SP100: variants seen among roughly 807,000 people sequenced by gnomAD.
SP100 encodes SP100 nuclear body protein.
SP100 carries 84 observed loss-of-function variants against 130.0 expected under a neutral mutation model. That is an observed-to-expected ratio of 0.65 (90% CI 0.54 to 0.77). The LOEUF is 0.77. Among genes scored for constraint, SP100 ranks in the 30% least tolerant of loss-of-function variants. SP100 has a pLI of 0.00. For synonymous variants in SP100, 331 were observed against 351.7 expected (o/e 0.94, Z 0.66); for missense variants, 978 against 1,052.2 (o/e 0.93, Z 0.97).
chr2:230,496,090 T>C (rs1268734813), intron 18 of SP100, among the ~76,000 whole-genome samples: 1 of 152,222 alleles, frequency 6.6e-6, no homozygotes, highest in East Asian at 1.9e-4. Context: ...CAGTTTGTAC[T>C]TACCCAGGTC....
At chr2:230,541,174 A>T (rs927911183) in intron 26 of SP100, 127 bp from the exon 27 acceptor site, 1 of 1,216,872 alleles carries the variant, frequency 8.2e-7, no homozygotes, top group African/African-American at 1.5e-5. Flanking sequence ...GGTCCAAAGA[A>T]ACTCCCCATG....
chr2:230,451,886 TAAAG>T (rs2064005664), intron 8 of SP100, among the ~76,000 whole-genome samples: 1 of 152,226 alleles, frequency 6.6e-6, no homozygotes, highest in Non-Finnish European at 1.5e-5. Context: ...CACCATTTAT[TAAAG>T]AGATAGATAT....
chr2:230,539,291 G>A lies in SP100; in HGVS notation c.2119G>A (p.Val707Met). 2 of 1,613,796 alleles carry A rather than the reference G, an allele frequency of 1.2e-6. No homozygotes were observed. Among genetic ancestry groups the A allele is most frequent in the Non-Finnish European group, 8.5e-7 (1 of 1,179,718 alleles). ...PCPENSNICE[V>M]CNKWGRLFCC... is the part of the protein sequence containing the mutation. ...GCCGGAAAACTCAAATATATGTGAG[G>A]TGTGCAACAAATGGGGACGGCTGTT... The change falls in exon 25 of 29, where the codon GTG becomes ATG. Residue 707 changes from valine (V) to methionine (M), a missense_variant. By Grantham distance (21) the Val-to-Met change is conservative. Coordinates refer to ENST00000340126, the MANE Select transcript of SP100 (RefSeq NM_001080391.2).
rs375469643 is a variant in SP100 at position 230,533,090 on chromosome 2, T to C, written c.2095-6177T>C. Among the ~76,000 whole-genome samples the C allele has an allele frequency of 5.0e-4, 76 of 152,302 alleles. 1 individual carries two copies. In the South Asian group the frequency reaches 0.016, roughly 32 times the overall value. ...GCCACCGTGCCCGGCCCTGATGCTC[T>C]TTTAAAATAGCTAAAAAGAAATTAC... is the stretch of plus-strand genomic sequence containing the variant. On this transcript the variant is annotated intron_variant, in intron 24 of 28. Transcript: ENST00000340126.
At chr2:230,529,711 G>A (rs1691605604) in intron 24 of SP100, among the ~76,000 whole-genome samples, 1 of 152,180 alleles carries the variant, frequency 6.6e-6, no homozygotes, top group Admixed American at 6.5e-5. Flanking sequence ...TCCTTAAGCT[G>A]ATAAGCAAAT....
rs753568525 is a variant in SP100, at chr2:230,416,272, C to A, written c.-25C>A. The A allele has an allele frequency of 6.2e-7, 1 of 1,610,186 alleles. No individual in the cohort carries two copies. The highest frequency in any genetic ancestry group is 1.7e-5 in the Admixed American group (1 of 59,760). ...GGGGCTCAGAGGCCAGGCTCTGAGG[C>A]CCACGCAGGGCCTAGGGTGGGAAGA... is the stretch of plus-strand genomic sequence containing the variant. On this transcript the variant is annotated 5_prime_UTR_variant, in exon 1 of 29. Transcript: ENST00000340126.
At chr2:230,447,179 T>C (rs2063747474) in intron 5 of SP100, among the ~76,000 whole-genome samples, 1 of 152,168 alleles carries the variant, frequency 6.6e-6, no homozygotes, top group Non-Finnish European at 1.5e-5. Context: ...AAGGTCCCTG[T>C]AGGGGATCAG....
chr2:230,503,033 A>G (rs558903345), intron 19 of SP100, 33 bp from the exon 20 acceptor site: 7 of 1,532,728 alleles, frequency 4.6e-6, no homozygotes, highest in African/African-American at 1.4e-5. Context: ...TGCAATGTAA[A>G]GAGACATTTA....
chr2:230,497,467 A>AGGAGGGGAGG (rs1337909137), intron 18 of SP100, among the ~76,000 whole-genome samples: 2 of 97,558 alleles, frequency 2.1e-5, no homozygotes, highest in African/African-American at 8.3e-5. Context: ...GATGAAGGGA[A>AGGAGGGGAGG]GGAGGGGAGG....
In SP100 at chr2:230,542,050, C is replaced by T. The variant is rs373115438; in HGVS notation, c.2547+15C>T. 2.0e-5 allele frequency: 32 copies of T among 1,613,040 alleles called. No homozygotes were observed. The highest frequency in any genetic ancestry group is 2.5e-5 in the Non-Finnish European group (30 of 1,179,440). ...AATTTTACAGGGTGAGTGGCTCTCCCTGCTTCCTTTTCTCTTTCAATTACA... is the reference window on the plus strand; with the variant it reads ...AATTTTACAGGGTGAGTGGCTCTCCTTGCTTCCTTTTCTCTTTCAATTACA... On this transcript the variant is annotated intron_variant, in intron 28 of 28. Coordinates refer to ENST00000340126, the MANE Select transcript of SP100 (RefSeq NM_001080391.2).
intron 2 of SP100, among the ~76,000 whole-genome samples, chr2:230,429,428 T>A (rs1438178583): frequency 6.6e-6 from 1 of 152,222 alleles, no homozygotes; most frequent in Admixed American, 6.5e-5. Context: ...TATTTCTTGA[T>A]GTCAAATTTT....
At chr2:230,531,592 T>C (rs557353927) in intron 24 of SP100, among the ~76,000 whole-genome samples, 136 of 152,156 alleles carry the variant, frequency 8.9e-4, no homozygotes, top group Non-Finnish European at 1.8e-3. Context: ...AGAAATACAT[T>C]GGCAGTTTGG....
chr2:230,504,124 G>C, intron 20 of SP100, 62 bp from the exon 21 acceptor site: 1 of 838,640 alleles, frequency 1.2e-6, no homozygotes, highest in Non-Finnish European at 2.0e-6. Context: ...CAAGACAGGT[G>C]GGGAGGGACA....
intron 8 of SP100, among the ~76,000 whole-genome samples, chr2:230,461,017 A>AT (rs11438386): frequency 0.99 from 149,729 of 151,728 alleles, 73,880 homozygotes; most frequent in Middle Eastern, 1. Flanking sequence ...TATAATTTTT[A>AT]TTTTTTTTAA....
At chr2:230,473,220 C>A in intron 15 of SP100, 104 bp from the exon 16 acceptor site, 2 of 702,098 alleles carry the variant, frequency 2.8e-6, no homozygotes, top group Non-Finnish European at 5.1e-6. Context: ...AGAGCCCATC[C>A]CTTAATTTAG....
intron 17 of SP100, among the ~76,000 whole-genome samples, chr2:230,484,621 A>C (rs568892369): frequency 2.6e-5 from 4 of 152,110 alleles, no homozygotes; most frequent in Non-Finnish European, 5.9e-5. Context: ...CTTTACACTT[A>C]GTCTGAGCTT....
intron 18 of SP100, 22 bp from the exon 19 acceptor site, chr2:230,498,439 T>A (rs761114514): frequency 7.0e-7 from 1 of 1,418,782 alleles, no homozygotes; most frequent in South Asian, 1.4e-5. Flanking sequence ...CCATCCATAT[T>A]TATATTTTCC....
chr2:230,463,053 C>G (rs1003097773), intron 10 of SP100, among the ~76,000 whole-genome samples: 9 of 152,190 alleles, frequency 5.9e-5, no homozygotes, highest in Non-Finnish European at 1.3e-4. Flanking sequence ...AGTCATGGCA[C>G]ATTTAGTGAT....
chr2:230,447,706 C>T (rs901878618), intron 5 of SP100, among the ~76,000 whole-genome samples: 2 of 152,230 alleles, frequency 1.3e-5, no homozygotes, highest in African/African-American at 4.8e-5. Flanking sequence ...GGACACGACT[C>T]TCCTGGCACT....
Sources: allele counts gnomAD v4.1 joint callset (sites outside exome capture counted in the v4.1 genomes callset), GRCh38; gene constraint gnomAD v4.1.1; transcripts MANE v1.5; gene names NCBI Gene and HGNC (gene_info 2026-07-23, HGNC 2026-07-21).